The following PIK3CB variants were observed in gnomAD, a reference collection of about 807,000 sequenced individuals.
PIK3CB encodes the protein phosphatidylinositol-4,5-bisphosphate 3-kinase catalytic subunit beta.
In PIK3CB, 39 loss-of-function variants were observed where a neutral mutation model predicts 136.8. The observed-to-expected ratio is 0.29, with a 90% CI of 0.22 to 0.37. The LOEUF is 0.37. Among genes scored for constraint, PIK3CB ranks in the 10% least tolerant of loss-of-function variants. PIK3CB has a pLI of 1.00. For missense variants in PIK3CB, 868 were observed against 1,275.4 expected (o/e 0.68, Z 4.87); for synonymous variants, 428 against 436.6 (o/e 0.98, Z 0.25).
At chr3:138,813,261 C>T (rs1486679300) in intron 1 of PIK3CB, among the ~76,000 whole-genome samples, 4 of 152,064 alleles carry the variant, frequency 2.6e-5, no homozygotes, top group African/African-American at 9.7e-5. Flanking sequence ...ATTTCGTACT[C>T]ATAGACTATG....
At chr3:138,804,844 G>A (rs2046214032) in intron 1 of PIK3CB, among the ~76,000 whole-genome samples, 1 of 151,948 alleles carries the variant, frequency 6.6e-6, no homozygotes. Context: ...CTAACATGGT[G>A]AAACCCCGTC....
At chr3:138,689,063 T>C in intron 15 of PIK3CB, 89 bp from the exon 16 acceptor site, 1 of 770,712 alleles carries the variant, frequency 1.3e-6, no homozygotes, top group Non-Finnish European at 2.2e-6. Context: ...CTACAAAAAA[T>C]AAACTTATGA....
intron 2 of PIK3CB, among the ~76,000 whole-genome samples, chr3:138,772,859 C>T (rs1158111850): frequency 6.9e-6 from 1 of 144,610 alleles, no homozygotes; most frequent in Non-Finnish European, 1.5e-5. Flanking sequence ...GATCTTGGCT[C>T]ACTGCAACCT....
At chr3:138,783,710 C>A (rs2045945107) in intron 2 of PIK3CB, among the ~76,000 whole-genome samples, 1 of 151,990 alleles carries the variant, frequency 6.6e-6, no homozygotes. Flanking sequence ...AGTACAGGGG[C>A]AGAATGGTAC....
chr3:138,821,396 G>A (rs1358363277), intron 1 of PIK3CB, among the ~76,000 whole-genome samples: 1 of 152,036 alleles, frequency 6.6e-6, no homozygotes, highest in Non-Finnish European at 1.5e-5. Flanking sequence ...CCTGAGGTCA[G>A]GAGCCACTGG....
In PIK3CB at chr3:138,794,025, CG is replaced by C. The variant is rs2046082536; in HGVS notation, c.-17+2437del. ...TTGCCCAGGCTGGAATGCAATGCCG[CG>C]ATCTCAGCTTACTGCAACCTCCACC... On this transcript the variant is annotated intron_variant, in intron 2 of 23. Transcript: ENST00000674063. Among the ~76,000 whole-genome samples the C allele has an allele frequency of 2.0e-5, 3 of 152,134 alleles. No homozygotes were observed. The South Asian group carries it at 6.2e-4, about 31-fold the overall frequency.
chr3:138,746,915 C>A (rs2045365465), intron 4 of PIK3CB, among the ~76,000 whole-genome samples: 1 of 150,438 alleles, frequency 6.6e-6, no homozygotes, highest in South Asian at 2.1e-4. Flanking sequence ...AGGTTTAGCA[C>A]CTGCTGACAT....
intron 4 of PIK3CB, among the ~76,000 whole-genome samples, chr3:138,746,756 C>T (rs979065562): frequency 2.6e-5 from 4 of 151,524 alleles, no homozygotes; most frequent in Admixed American, 2.6e-4. Context: ...TGTACTAGAT[C>T]CTTCAGTTTC....
intron 19 of PIK3CB, among the ~76,000 whole-genome samples, chr3:138,676,550 T>C (rs2043647744): frequency 6.6e-6 from 1 of 152,238 alleles, no homozygotes; most frequent in African/African-American, 2.4e-5. Context: ...CATTTATCTA[T>C]GTATAGTTTT....
intron 5 of PIK3CB, among the ~76,000 whole-genome samples, chr3:138,742,085 C>G (rs1039523509): frequency 5.3e-5 from 8 of 152,090 alleles, no homozygotes; most frequent in African/African-American, 1.9e-4. Context: ...TTCATTTCTA[C>G]CGATGGGGGA....
At chr3:138,678,991 A>G (rs2043706201) in intron 19 of PIK3CB, among the ~76,000 whole-genome samples, 1 of 152,102 alleles carries the variant, frequency 6.6e-6, no homozygotes, top group Non-Finnish European at 1.5e-5. Flanking sequence ...GCTTGAACCC[A>G]GGAGGCAGAG....
At chr3:138,713,718 TAGTA>T (rs1559835235) in intron 9 of PIK3CB, among the ~76,000 whole-genome samples, 1 of 151,954 alleles carries the variant, frequency 6.6e-6, no homozygotes, top group Non-Finnish European at 1.5e-5. Context: ...TAGATAAATA[TAGTA>T]ACTAGATTTT....
chr3:138,662,446 C>A (rs902463516), intron 21 of PIK3CB, among the ~76,000 whole-genome samples: 10 of 151,154 alleles, frequency 6.6e-5, no homozygotes, highest in East Asian at 3.9e-4. Context: ...TGAACTCATC[C>A]TTTTTTATGG....
rs71626083 is a variant in PIK3CB, at chr3:138,817,046, C to CA, written c.-122+17648dup. Among the ~76,000 whole-genome samples the CA allele has an allele frequency of 8.6e-4, 117 of 135,620 alleles. 1 individual carries two copies. Among genetic ancestry groups the CA allele is most frequent in the South Asian group, 1.4e-3 (6 of 4,240 alleles). 89.0% of individuals were successfully genotyped at this position (135,620 alleles called of 152,430 possible). A position where few individuals can be genotyped will look rare whatever the true frequency, so the allele number is the denominator to read the frequency against. Reference sequence around the variant, plus strand: ...AGAAACCCCGTCTCTACTAAAAATACAAAAAAAAAAGGCCGGGCGCGGTGG... The same window carrying CA: ...AGAAACCCCGTCTCTACTAAAAATACAAAAAAAAAAAGGCCGGGCGCGGTGG... On this transcript the variant is annotated intron_variant, in intron 1 of 23. Transcript: ENST00000674063.
chr3:138,675,877 T>C (rs907110999), intron 19 of PIK3CB, among the ~76,000 whole-genome samples: 1 of 152,160 alleles, frequency 6.6e-6, no homozygotes, highest in South Asian at 2.1e-4. Flanking sequence ...AACCTTCACA[T>C]GTACAATCAA....
At chr3:138,787,379 A>G (rs1052933519) in intron 2 of PIK3CB, among the ~76,000 whole-genome samples, 19 of 151,872 alleles carry the variant, frequency 1.3e-4, no homozygotes, top group African/African-American at 4.6e-4. Flanking sequence ...AAAAAAAAAA[A>G]AAGAAGCTCC....
In PIK3CB at chr3:138,690,544, T is replaced by C. The variant is rs75931442; in HGVS notation, c.2036+456A>G. Among the ~76,000 whole-genome samples the C allele has an allele frequency of 2.0e-3, 311 of 152,204 alleles. 1 individual carries two copies. The highest frequency in any genetic ancestry group is 6.4e-3 in the Admixed American group (98 of 15,284). ...AAATTGAATAAAATTGCTGTCATTA[T>C]AGTATACCTTTACCTTCACTCAATA... On this transcript the variant is annotated intron_variant, in intron 15 of 23. Coordinates refer to ENST00000674063, the MANE Select transcript of PIK3CB (RefSeq NM_006219.3).
At chr3:138,811,240 CAAAAAAAAA>C (rs558228212) in intron 1 of PIK3CB, among the ~76,000 whole-genome samples, 12 of 23,426 alleles carry the variant, frequency 5.1e-4, no homozygotes, top group Admixed American at 6.9e-4. Context: ...AAGACTCTGC[CAAAAAAAAA>C]AAAAAAAAAA....
chr3:138,705,897 C>A (rs1353579559), intron 11 of PIK3CB, among the ~76,000 whole-genome samples: 1 of 152,128 alleles, frequency 6.6e-6, no homozygotes, highest in East Asian at 1.9e-4. Context: ...GGACTATAGG[C>A]ACATGCCACC....
Sources: allele counts gnomAD v4.1 joint callset (sites outside exome capture counted in the v4.1 genomes callset), GRCh38; gene constraint gnomAD v4.1.1; transcripts MANE v1.5; gene names NCBI Gene and HGNC (gene_info 2026-07-23, HGNC 2026-07-21).